Variants in ASCC3 observed in about 807,000 individuals in gnomAD.
ASCC3 encodes activating signal cointegrator 1 complex subunit 3, also known as ASC-1 complex subunit P200.
Under a neutral mutation model 256.3 loss-of-function variants are expected in ASCC3, and 158 were observed. That is an observed-to-expected ratio of 0.62 (90% confidence interval 0.54 to 0.70). The LOEUF is 0.70. Ranked by LOEUF, ASCC3 falls within the 30% of genes least tolerant of loss-of-function variation. The probability of loss-of-function intolerance (pLI) is 0.00; values close to 1 mark genes in which losing one functional copy is unlikely to be tolerated. For synonymous variants in ASCC3, 948 were observed against 883.4 expected, an observed-to-expected ratio of 1.07 and a Z score of -1.30; for missense variants, 2,259 against 2,626.0, an observed-to-expected ratio of 0.86 and a Z score of 3.05.
intron 13 of ASCC3, among the ~76,000 whole-genome samples, chr6:100,695,950 T>C (rs1196027988): frequency 6.6e-6 from 1 of 152,166 alleles, no homozygotes; most frequent in Non-Finnish European, 1.5e-5. Flanking sequence ...AGTATGCAGG[T>C]AGGGCAACAT....
chr6:100,812,314 A>G (rs1253830531), intron 4 of ASCC3, among the ~76,000 whole-genome samples: 2 of 152,160 alleles, frequency 1.3e-5, no homozygotes. Flanking sequence ...CTAGAGGGAA[A>G]AAAGCAAGCA....
rs115422324 is a variant in ASCC3 at position 100,573,151 on chromosome 6, T to C, written c.5550+16483A>G. ...CTTTTTCTCTGTTACATAAAAATGA[T>C]ACTGAAACATATTCAGATGGCCTTA... On this transcript the variant is annotated intron_variant, in intron 36 of 41. Transcript: ENST00000369162. 5.8e-3 allele frequency among the ~76,000 whole-genome samples: 883 copies of C among 152,266 alleles called. 10 individuals carry two copies. Among genetic ancestry groups the C allele is most frequent in the African/African-American group, 0.02 (846 of 41,574 alleles).
At chr6:100,826,296 T>C (rs1185243108) in intron 4 of ASCC3, among the ~76,000 whole-genome samples, 2 of 152,042 alleles carry the variant, frequency 1.3e-5, no homozygotes, top group African/African-American at 4.8e-5. Flanking sequence ...CACGCCCGGC[T>C]AATTTTTTGT....
In ASCC3 at chr6:100,602,411, C is replaced by A. The variant is rs538250529; in HGVS notation, c.5178-476G>T. ...ACTCAATAAATGGCACTTATCACTA[C>A]CAATCATTTTTGGAAAATAAATTGC... is the stretch of plus-strand genomic sequence containing the variant. On this transcript the variant is annotated intron_variant, in intron 33 of 41. Coordinates refer to ENST00000369162, the MANE Select transcript of ASCC3 (RefSeq NM_006828.4). Among the ~76,000 whole-genome samples, 5 of 152,034 alleles carry A rather than the reference C, an allele frequency of 3.3e-5. No homozygotes were observed. The South Asian group carries it at 1.0e-3, about 32-fold the overall frequency.
At chr6:100,690,660 C>T (rs2114983592) in intron 13 of ASCC3, among the ~76,000 whole-genome samples, 1 of 152,182 alleles carries the variant, frequency 6.6e-6, no homozygotes, top group East Asian at 1.9e-4. Flanking sequence ...TAAGCTACCT[C>T]AAATAGGGTT....
intron 11 of ASCC3, among the ~76,000 whole-genome samples, chr6:100,720,134 G>A (rs997642037): frequency 6.6e-6 from 1 of 151,844 alleles, no homozygotes; most frequent in African/African-American, 2.4e-5. Flanking sequence ...GCTTTGTTTT[G>A]TAATAAAAAT....
At chr6:100,867,008 T>G (rs1009384787) in intron 2 of ASCC3, among the ~76,000 whole-genome samples, 1 of 152,224 alleles carries the variant, frequency 6.6e-6, no homozygotes, top group Non-Finnish European at 1.5e-5. Flanking sequence ...CATATGTAAT[T>G]TATTTTATAC....
chr6:100,844,635 C>A (rs1039215376), intron 4 of ASCC3, among the ~76,000 whole-genome samples: 3 of 152,034 alleles, frequency 2.0e-5, no homozygotes, highest in African/African-American at 7.2e-5. Context: ...ACATAAAGAA[C>A]CTTAAAGATT....
chr6:100,590,345 C>T (rs904548351), intron 34 of ASCC3, among the ~76,000 whole-genome samples: 4 of 151,962 alleles, frequency 2.6e-5, no homozygotes, highest in African/African-American at 9.7e-5. Flanking sequence ...AGTCTTAATA[C>T]AGGAAAAATA....
At chr6:100,792,361 T>C (rs1481239769) in intron 8 of ASCC3, among the ~76,000 whole-genome samples, 1 of 151,750 alleles carries the variant, frequency 6.6e-6, no homozygotes, top group Non-Finnish European at 1.5e-5. Context: ...AATGTATGAA[T>C]TTTTTTTGGT....
At chr6:100,863,660 G>A (rs1461686378) in intron 3 of ASCC3, among the ~76,000 whole-genome samples, 1 of 151,954 alleles carries the variant, frequency 6.6e-6, no homozygotes, top group Admixed American at 6.6e-5. Context: ...GAGTTGCCCA[G>A]ACTGAAGTGC....
Position 100,821,654 on chromosome 6 carries a change from T to C in ASCC3, c.802-15774A>G, listed in dbSNP as rs1039394901. On this transcript the variant is annotated intron_variant, in intron 4 of 41. Transcript: ENST00000369162. ...GCCTGGCTGACATGGTGAAACCCTG[T>C]CTCTACTAAAAATACAAAAGTTAGC... is the stretch of plus-strand genomic sequence containing the variant. Among the ~76,000 whole-genome samples, 16 of 151,932 alleles carry C rather than the reference T, an allele frequency of 1.1e-4. No homozygotes were observed. The East Asian group carries it at 2.3e-3, about 22-fold the overall frequency.
chr6:100,529,987 AT>A (rs67303856), intron 37 of ASCC3, among the ~76,000 whole-genome samples: 4,358 of 145,330 alleles, frequency 0.03, 221 homozygotes, highest in African/African-American at 0.1. Flanking sequence ...TTAAATCGTG[AT>A]TTTTTTTTTT....
chr6:100,523,869 A>C (rs1488228406), intron 37 of ASCC3, among the ~76,000 whole-genome samples: 2 of 152,170 alleles, frequency 1.3e-5, no homozygotes, highest in Non-Finnish European at 2.9e-5. Context: ...AAATCCCATG[A>C]ATTTATTGTA....
intron 33 of ASCC3, among the ~76,000 whole-genome samples, chr6:100,605,038 A>G (rs527386288): frequency 6.6e-6 from 1 of 152,266 alleles, no homozygotes; most frequent in East Asian, 1.9e-4. Flanking sequence ...TGATTCTCAA[A>G]TGAGCCAGCA....
At chr6:100,697,592 C>T (rs1778155559) in intron 13 of ASCC3, among the ~76,000 whole-genome samples, 1 of 151,528 alleles carries the variant, frequency 6.6e-6, no homozygotes, top group Admixed American at 6.6e-5. Flanking sequence ...ACTTGTTTTG[C>T]TTCCAATTAT....
intron 13 of ASCC3, among the ~76,000 whole-genome samples, chr6:100,684,802 CTTTTT>C (rs34237443): frequency 1.1e-5 from 1 of 94,714 alleles, no homozygotes; most frequent in Non-Finnish European, 2.0e-5. Context: ...GAATCAAACT[CTTTTT>C]TTTTTTTTTT....
rs766314205 is a variant in ASCC3 at position 100,646,720 on chromosome 6, A to G, written c.3528T>C (p.Val1176=). 6.2e-7 allele frequency: 1 copy of G among 1,613,980 alleles called. No individual in the cohort carries two copies. The highest frequency in any genetic ancestry group is 1.7e-5 in the Admixed American group (1 of 60,018). The change falls in exon 22 of 42, where the codon GTT becomes GTC. Residue 1176 remains valine, a synonymous_variant. Transcript: ENST00000369162. Reference sequence around the variant, plus strand: ...CCATCATAACAGAAGGAATCTGATGAACACATTGTTTGACCTTCAGTCCAA... The same window carrying G: ...CCATCATAACAGAAGGAATCTGATGGACACATTGTTTGACCTTCAGTCCAA... ...VNIGLKVKQC[V]HQIPSVMMEA...
intron 37 of ASCC3, among the ~76,000 whole-genome samples, chr6:100,534,187 G>A (rs1775053191): frequency 6.6e-6 from 1 of 152,204 alleles, no homozygotes; most frequent in Non-Finnish European, 1.5e-5. Context: ...AGGGTGCAGT[G>A]AGCCAAGATG....
Sources: gnomAD v4.1 joint callset for allele counts (sites outside exome capture counted in the v4.1 genomes callset) on GRCh38, gnomAD v4.1.1 for gene constraint, MANE v1.5 for transcripts, NCBI Gene and HGNC (gene_info 2026-07-23, HGNC 2026-07-21) for gene names.